CDKL4: variants seen among roughly 807,000 people sequenced by gnomAD.
The protein encoded by CDKL4 is cyclin-dependent kinase-like 4.
In CDKL4, 44 loss-of-function variants were observed where a neutral mutation model predicts 42.0. That is an observed-to-expected ratio of 1.05 (90% CI 0.82 to 1.35). The LOEUF (loss-of-function observed/expected upper bound fraction) is 1.35, where lower values mean the gene tolerates loss of function less well. Ranked by LOEUF, CDKL4 falls within the 40% of genes most tolerant of loss-of-function variation. The pLI is 0.00. For synonymous variants in CDKL4, 120 were observed against 121.6 expected, an observed-to-expected ratio of 0.99 and a Z score of 0.09; for missense variants, 393 against 369.9, an observed-to-expected ratio of 1.06 and a Z score of -0.51.
upstream of CDKL4, among the ~76,000 whole-genome samples, chr2:39,246,119 C>G (rs1469415728): frequency 2.6e-5 from 4 of 152,180 alleles, no homozygotes; most frequent in Non-Finnish European, 5.9e-5. Flanking sequence ...TGATCATGGC[C>G]AGGTTTAGCA....
Position 39,187,627 on chromosome 2 carries a change from C to T in CDKL4, c.735G>A (p.Met245Ile), listed in dbSNP as rs1020221384. The T allele has an allele frequency of 2.5e-6, 4 of 1,600,410 alleles. No homozygotes were observed. In the South Asian group the frequency reaches 3.3e-5, roughly 13 times the overall value. Reference sequence around the variant, plus strand: ...AAATATTCAAAACAGAGCAGCTTACCATGTCTTCTGGCTCAGGTATACTGA... The same window carrying T: ...AAATATTCAAAACAGAGCAGCTTACTATGTCTTCTGGCTCAGGTATACTGA... The change falls in exon 7 of 10, where the codon ATG (methionine) becomes ATA (isoleucine). Residue 245 changes from methionine to isoleucine, a missense_variant and splice_region_variant. Coordinates refer to ENST00000451199, the Ensembl canonical transcript of CDKL4.
At chr2:39,228,805 GAA>G (rs1678917481) in intron 2 of CDKL4, among the ~76,000 whole-genome samples, 1 of 152,230 alleles carries the variant, frequency 6.6e-6, no homozygotes, top group South Asian at 2.1e-4. Context: ...TTTAGCGTAA[GAA>G]AAAATTTACA....
At chr2:39,170,041 T>C in the CDKL4 span, among the ~76,000 whole-genome samples, 25 of 152,070 alleles carry the variant, frequency 1.6e-4, no homozygotes, top group Non-Finnish European at 3.5e-4. Context: ...TTGTATTTTT[T>C]GTGGTAGAGA....
chr2:39,178,253 T>C (rs1409760620), intron 9 of CDKL4, among the ~76,000 whole-genome samples: 1 of 152,218 alleles, frequency 6.6e-6, no homozygotes, highest in African/African-American at 2.4e-5. Flanking sequence ...CTATTTTAAC[T>C]ATTAAAAGGT....
intron 1 of CDKL4, among the ~76,000 whole-genome samples, chr2:39,233,917 T>C (rs901979132): frequency 7.0e-6 from 1 of 143,346 alleles, no homozygotes; most frequent in Admixed American, 6.9e-5. Context: ...TTTTACTTTT[T>C]TTTTTTTTTT....
intron 1 of CDKL4, among the ~76,000 whole-genome samples, 170 bp downstream of exon 1, chr2:39,243,701 C>A (rs1461362765): frequency 1.3e-5 from 2 of 152,252 alleles, no homozygotes; most frequent in African/African-American, 2.4e-5. Context: ...CACCTCGAAT[C>A]CGCCCCTTCC....
intron 5 of CDKL4, among the ~76,000 whole-genome samples, chr2:39,201,219 A>G (rs56784022): frequency 4.6e-5 from 7 of 152,214 alleles, no homozygotes; most frequent in Admixed American, 3.9e-4. Context: ...AAAATGCTCA[A>G]CATCACTAAT....
At chr2:39,205,959 A>G (rs1339488186) in intron 4 of CDKL4, among the ~76,000 whole-genome samples, 5 of 152,042 alleles carry the variant, frequency 3.3e-5, no homozygotes, top group African/African-American at 1.2e-4. Context: ...TGGAACGATC[A>G]GCAACACTCC....
intron 9 of CDKL4, chr2:39,178,451 T>C: frequency 1.1e-6 from 1 of 921,638 alleles, no homozygotes; most frequent in East Asian, 2.6e-5. Context: ...ATTTTAATAA[T>C]ATTAGGGACC....
At chr2:39,211,365 G>A (rs1490603765) in intron 4 of CDKL4, among the ~76,000 whole-genome samples, 1 of 152,162 alleles carries the variant, frequency 6.6e-6, no homozygotes, top group Non-Finnish European at 1.5e-5. Context: ...TCCAGCCTGG[G>A]CAGTAGAGCG....
chr2:39,198,380 C>A (rs543985333), intron 5 of CDKL4, among the ~76,000 whole-genome samples: 1 of 151,924 alleles, frequency 6.6e-6, no homozygotes, highest in East Asian at 1.9e-4. Context: ...GAGATAGTAA[C>A]ACAATAATAG....
intron 4 of CDKL4, among the ~76,000 whole-genome samples, chr2:39,209,939 C>T (rs1023828394): frequency 6.6e-6 from 1 of 152,012 alleles, no homozygotes; most frequent in African/African-American, 2.4e-5. Flanking sequence ...AAAGGCTTAC[C>T]ATAAGAAAAT....
chr2:39,229,629 G>T, intron 1 of CDKL4, 41 bp from the exon 2 acceptor site: 1 of 965,004 alleles, frequency 1.0e-6, no homozygotes, highest in Non-Finnish European at 1.5e-6. Context: ...AGCTATAAAA[G>T]ACAATGTTCT....
intron 1 of CDKL4, among the ~76,000 whole-genome samples, chr2:39,240,871 A>T (rs1490927971): frequency 6.6e-6 from 1 of 152,176 alleles, no homozygotes; most frequent in Non-Finnish European, 1.5e-5. Context: ...AAATCTAATT[A>T]TGAGTTAACA....
At chr2:39,175,395 C>G (rs1675124028), downstream of CDKL4, among the ~76,000 whole-genome samples, 2 of 152,186 alleles carry the variant, frequency 1.3e-5, no homozygotes, top group African/African-American at 4.8e-5. Context: ...GTAATTTTCT[C>G]TAGCTAGCTT....
intron 3 of CDKL4, among the ~76,000 whole-genome samples, chr2:39,217,173 G>A (rs1677980082): frequency 6.6e-6 from 1 of 152,178 alleles, no homozygotes; most frequent in Admixed American, 6.5e-5. Flanking sequence ...TGAACCTCTG[G>A]TGAAATCAAA....
intron 4 of CDKL4, among the ~76,000 whole-genome samples, chr2:39,206,156 C>T: frequency 6.6e-6 from 1 of 152,000 alleles, no homozygotes; most frequent in South Asian, 2.1e-4. Context: ...CGGGTTCAAG[C>T]GATTCTCCTG....
intron 8 of CDKL4, among the ~76,000 whole-genome samples, chr2:39,183,305 T>A (rs1362756181): frequency 6.6e-6 from 1 of 151,984 alleles, no homozygotes; most frequent in East Asian, 1.9e-4. Context: ...AGAATTAAAG[T>A]CTTCTCTCAT....
chr2:39,235,053 T>G (rs147093715), intron 1 of CDKL4, among the ~76,000 whole-genome samples: 357 of 152,234 alleles, frequency 2.3e-3, no homozygotes, highest in African/African-American at 8.2e-3. Context: ...TATTTATTTA[T>G]TTTTGTAAAG....
Sources: allele counts gnomAD v4.1 joint callset (sites outside exome capture counted in the v4.1 genomes callset), GRCh38; gene constraint gnomAD v4.1.1; transcripts MANE v1.5; gene names NCBI Gene and HGNC (gene_info 2026-07-23, HGNC 2026-07-21).